The following ST3GAL3 variants were observed in gnomAD, a reference collection of about 807,000 sequenced individuals.
ST3GAL3 encodes the protein ST3 beta-galactoside alpha-2,3-sialyltransferase 3.
In ST3GAL3, 21 loss-of-function variants were observed where a neutral mutation model predicts 50.1. The observed-to-expected ratio is 0.42, with a 90% CI of 0.30 to 0.60. The LOEUF (loss-of-function observed/expected upper bound fraction) is 0.60, where lower values mean the gene tolerates loss of function less well. ST3GAL3 is among the 20% of genes least tolerant of loss of function. The probability of loss-of-function intolerance (pLI) is 0.19; values close to 1 mark genes in which losing one functional copy is unlikely to be tolerated. For missense variants in ST3GAL3, 353 were observed against 489.4 expected (o/e 0.72, Z 2.63); for synonymous variants, 183 against 190.0 (o/e 0.96, Z 0.30).
rs1572503562 is a variant in ST3GAL3 at position 43,769,817 on chromosome 1, T to C, written c.119-22285T>C. On this transcript the variant is annotated intron_variant, in intron 2 of 11. Coordinates refer to ENST00000347631, the MANE Select transcript of ST3GAL3 (RefSeq NM_006279.5). ...AGTAGTTCAAGCTTGTTTTTAGGTA[T>C]AAAAGGATGTTGTATTTTATGTACT... 2.6e-5 allele frequency among the ~76,000 whole-genome samples: 4 copies of C among 152,222 alleles called. No individual in the cohort carries two copies. In the South Asian group the frequency reaches 6.2e-4, roughly 24 times the overall value.
At position 43,920,633 on chromosome 1, in the gene ST3GAL3, C is replaced by T. The variant is rs3120802; in HGVS notation, c.891+83C>T. 1,425,429 of 1,598,866 alleles carry T rather than the reference C, an allele frequency of 0.89. 642,700 individuals carry two copies. Among genetic ancestry groups the T allele is most frequent in the Non-Finnish European group, 0.92 (1,079,656 of 1,168,406 alleles). On this transcript the variant is annotated intron_variant, in intron 10 of 11. Coordinates refer to ENST00000347631, the MANE Select transcript of ST3GAL3 (RefSeq NM_006279.5). ...AAGGAAGGGTGGGTGGTGGGTGGGGCAGTGCTTCTGCAAAATAGCTTTCTG... is the reference window on the plus strand; with the variant it reads ...AAGGAAGGGTGGGTGGTGGGTGGGGTAGTGCTTCTGCAAAATAGCTTTCTG...
rs115206068 is a variant in ST3GAL3 at position 43,881,461 on chromosome 1, A to G, written c.303-12922A>G. Among the ~76,000 whole-genome samples, 431 of 152,358 alleles carry G rather than the reference A, an allele frequency of 2.8e-3. 5 individuals are homozygous for G. The highest frequency in any genetic ancestry group is 0.01 in the African/African-American group (422 of 41,586). On this transcript the variant is annotated intron_variant, in intron 5 of 11. Coordinates refer to ENST00000347631, the MANE Select transcript of ST3GAL3 (RefSeq NM_006279.5). ...TGTGGCCTCTGCAGACAATCTGGCC[A>G]TCAACCAGGCTCTTCCTGAGGCAGG...
In ST3GAL3 at chr1:43,792,121, T is replaced by G; in HGVS notation, c.138T>G (p.Phe46Leu). 1 of 1,614,240 alleles carries G rather than the reference T, an allele frequency of 6.2e-7. No homozygotes were observed. Among genetic ancestry groups the G allele is most frequent in the East Asian group, 2.2e-5 (1 of 44,886 alleles). ...EEDSNSVVLS[F>L]DSAGQTLGSE... is the part of the protein sequence containing the mutation. ...TTGCAGATTCAGTGGTTCTTTCCTT[T>G]GACTCCGCTGGACAAACACTAGGCT... The change falls in exon 3 of 12, where the codon TTT (phenylalanine) becomes TTG (leucine). Residue 46 changes from phenylalanine to leucine, a missense_variant. Physicochemically the swap from Phe to Leu is conservative, Grantham distance 22. Transcript: ENST00000347631.
intron 4 of ST3GAL3, among the ~76,000 whole-genome samples, chr1:43,816,027 C>T (rs1000879913): frequency 2.0e-5 from 3 of 152,134 alleles, no homozygotes; most frequent in Non-Finnish European, 4.4e-5. Context: ...CAAGCCTGCT[C>T]ACATGGCCGA....
At chr1:43,749,977 A>T (rs60175028) in intron 2 of ST3GAL3, among the ~76,000 whole-genome samples, 1 of 152,134 alleles carries the variant, frequency 6.6e-6, no homozygotes, top group African/African-American at 2.4e-5. Flanking sequence ...TAATGTTTTG[A>T]TCTTTGACTT....
chr1:43,858,330 C>T (rs1288460062), intron 5 of ST3GAL3: 17 of 1,253,062 alleles, frequency 1.4e-5, no homozygotes, highest in Non-Finnish European at 1.6e-5. Flanking sequence ...GCAGCAAGAC[C>T]AGACACACTG....
At chr1:43,914,149 A>G (rs894833083) in intron 9 of ST3GAL3, 4 of 152,226 alleles carry the variant, frequency 2.6e-5, no homozygotes, top group Middle Eastern at 3.2e-3. Flanking sequence ...ATTTCCTGCC[A>G]TTTGAGATGG....
intron 1 of ST3GAL3, among the ~76,000 whole-genome samples, chr1:43,723,856 C>T (rs549538861): frequency 1.3e-5 from 2 of 152,276 alleles, no homozygotes; most frequent in African/African-American, 4.8e-5. Context: ...AGGTGATCTG[C>T]CCGCCTCGGC....
chr1:43,774,448 C>T (rs978049370), intron 2 of ST3GAL3, among the ~76,000 whole-genome samples: 12 of 152,138 alleles, frequency 7.9e-5, no homozygotes, highest in African/African-American at 2.9e-4. Context: ...TGAGGGAGCT[C>T]CACTCTCTGG....
chr1:43,811,134 C>T (rs1357589149), intron 3 of ST3GAL3, among the ~76,000 whole-genome samples: 1 of 152,164 alleles, frequency 6.6e-6, no homozygotes, highest in African/African-American at 2.4e-5. Flanking sequence ...ATTCCATGGT[C>T]ACAGTGAGTT....
intron 1 of ST3GAL3, among the ~76,000 whole-genome samples, chr1:43,722,914 A>G (rs1671152852): frequency 6.6e-6 from 1 of 152,146 alleles, no homozygotes; most frequent in Non-Finnish European, 1.5e-5. Context: ...ATAGTGACAT[A>G]GTTTGGATAT....
chr1:43,832,788 C>G (rs1205338086), intron 4 of ST3GAL3, among the ~76,000 whole-genome samples: 1 of 152,184 alleles, frequency 6.6e-6, no homozygotes, highest in Non-Finnish European at 1.5e-5. Flanking sequence ...CATTTCCCTC[C>G]TCATGTCATT....
chr1:43,787,081 C>T (rs2057438815), intron 2 of ST3GAL3, among the ~76,000 whole-genome samples: 1 of 152,238 alleles, frequency 6.6e-6, no homozygotes, highest in South Asian at 2.1e-4. Context: ...GGAAACCAGA[C>T]ACAGGAAACA....
At chr1:43,790,700 C>A (rs1054353339) in intron 2 of ST3GAL3, among the ~76,000 whole-genome samples, 1 of 148,036 alleles carries the variant, frequency 6.8e-6, no homozygotes, top group Non-Finnish European at 1.5e-5. Context: ...GGCATGATGT[C>A]GGCTCACTGC....
chr1:43,811,222 G>C (rs2060518364), intron 3 of ST3GAL3, among the ~76,000 whole-genome samples: 1 of 152,130 alleles, frequency 6.6e-6, no homozygotes, highest in Non-Finnish European at 1.5e-5. Context: ...GGTGCCTGGT[G>C]GGGAAAGGGC....
At position 43,899,187 on chromosome 1, in the gene ST3GAL3, A is replaced by G. The variant is rs2077849841; in HGVS notation, c.481A>G (p.Ile161Val). 3 of 1,614,064 alleles carry G rather than the reference A, an allele frequency of 1.9e-6. No individual in the cohort carries two copies. In the African/African-American group the frequency reaches 4.0e-5, roughly 22 times the overall value. Reference sequence around the variant, plus strand: ...CCTCAGCCTCCGCTGCCGCCGCTGCATCATCGTGGGCAATGGAGGCGTTCT... The same window carrying G: ...CCTCAGCCTCCGCTGCCGCCGCTGCGTCATCGTGGGCAATGGAGGCGTTCT... Reference protein sequence around the residue: ...ALDSLRCRRCIIVGNGGVLAN... With the variant: ...ALDSLRCRRCVIVGNGGVLAN... Residue 161 changes from isoleucine to valine, a missense_variant, in exon 8 of 12, where the codon ATC becomes GTC. Coordinates refer to ENST00000347631, the MANE Select transcript of ST3GAL3 (RefSeq NM_006279.5). This position sits in a 1 kb window ranked among gnomAD's most constrained non-coding sequence, Gnocchi z 5.4.
intron 3 of ST3GAL3, among the ~76,000 whole-genome samples, chr1:43,811,872 A>G (rs929561127): frequency 2.0e-5 from 3 of 152,154 alleles, no homozygotes; most frequent in African/African-American, 4.8e-5. Context: ...CTTTCCCTTC[A>G]TCTCTAGCAA....
At chr1:43,848,297 T>TTC (rs1553384686) in intron 5 of ST3GAL3, among the ~76,000 whole-genome samples, 2 of 142,128 alleles carry the variant, frequency 1.4e-5, no homozygotes, top group African/African-American at 5.2e-5. Context: ...TGGTTTTCTT[T>TTC]TTTTTTTTTT....
intron 5 of ST3GAL3, among the ~76,000 whole-genome samples, chr1:43,891,308 G>A (rs541761332): frequency 1.2e-4 from 18 of 152,228 alleles, no homozygotes; most frequent in South Asian, 4.1e-4. Flanking sequence ...AGTGGCTCAC[G>A]CCTGTAATCC....
Sources: gnomAD v4.1 joint callset for allele counts (sites outside exome capture counted in the v4.1 genomes callset) on GRCh38, gnomAD v4.1.1 for gene constraint, Gnocchi (gnomAD v3.1) non-coding constraint, MANE v1.5 for transcripts, NCBI Gene and HGNC (gene_info 2026-07-23, HGNC 2026-07-21) for gene names.